The following FRMD4A variants were observed in gnomAD, a reference collection of about 807,000 sequenced individuals.
FRMD4A encodes the protein FERM domain containing 4A.
In FRMD4A, 29 loss-of-function variants were observed where a neutral mutation model predicts 129.1. That is an observed-to-expected ratio of 0.22 (90% confidence interval 0.17 to 0.31). FRMD4A has a LOEUF of 0.31. Among genes scored for constraint, FRMD4A ranks in the 10% least tolerant of loss-of-function variants. FRMD4A has a pLI of 1.00. For missense variants in FRMD4A, 1,272 were observed against 1,375.8 expected (o/e 0.92, Z 1.19); for synonymous variants, 634 against 571.6 (o/e 1.11, Z -1.56).
chr10:14,141,989 G>C (rs564453741), intron 2 of FRMD4A, among the ~76,000 whole-genome samples: 1 of 152,282 alleles, frequency 6.6e-6, no homozygotes, highest in African/African-American at 2.4e-5. Flanking sequence ...TGCTCTAACA[G>C]GCTATGTTGC....
At chr10:14,164,110 AG>A (rs774279028) in intron 2 of FRMD4A, among the ~76,000 whole-genome samples, 25 of 152,348 alleles carry the variant, frequency 1.6e-4, no homozygotes, top group South Asian at 1.0e-3. Context: ...GTGATGGAAA[AG>A]GCTGCAAACC....
intron 12 of FRMD4A, among the ~76,000 whole-genome samples, chr10:13,726,330 G>A (rs1310933716): frequency 6.6e-6 from 1 of 152,182 alleles, no homozygotes; most frequent in Non-Finnish European, 1.5e-5. Context: ...TTTGGGTCTT[G>A]GAGTGGATAT....
intron 7 of FRMD4A, 24 bp downstream of exon 7, chr10:13,762,600 A>C (rs2092119935): frequency 7.1e-7 from 1 of 1,406,896 alleles, no homozygotes; most frequent in Non-Finnish European, 1.0e-6. Flanking sequence ...GTGGGACATA[A>C]AGAGGAGGAG....
chr10:14,298,272 C>T (rs997423308), intron 2 of FRMD4A, among the ~76,000 whole-genome samples: 15 of 152,176 alleles, frequency 9.9e-5, no homozygotes, highest in East Asian at 1.9e-4. Context: ...TACACCAGTA[C>T]ACCAGTAAAG....
intron 2 of FRMD4A, among the ~76,000 whole-genome samples, chr10:13,964,105 T>G (rs1198028122): frequency 1.3e-5 from 2 of 150,992 alleles, no homozygotes; most frequent in African/African-American, 2.5e-5. Flanking sequence ...GTGTGTTATC[T>G]TGTTGGTGCT....
At chr10:14,147,459 T>C (rs1840129478) in intron 2 of FRMD4A, among the ~76,000 whole-genome samples, 1 of 152,154 alleles carries the variant, frequency 6.6e-6, no homozygotes, top group Non-Finnish European at 1.5e-5. Flanking sequence ...CTTGTGGGCT[T>C]TATTTGTATT....
chr10:14,254,668 A>G (rs1844549921), intron 2 of FRMD4A, among the ~76,000 whole-genome samples: 1 of 152,042 alleles, frequency 6.6e-6, no homozygotes, highest in Non-Finnish European at 1.5e-5. Context: ...TGCAAGTTGT[A>G]TTACTTCTCA....
At chr10:13,912,789 T>C (rs970064125) in intron 2 of FRMD4A, among the ~76,000 whole-genome samples, 2 of 152,024 alleles carry the variant, frequency 1.3e-5, no homozygotes, top group African/African-American at 4.8e-5. Context: ...TAGAATATTA[T>C]TTGGCTGGGC....
chr10:13,835,441 C>A lies in FRMD4A; in HGVS notation c.111+23406G>T, dbSNP rs1164823702. Among the ~76,000 whole-genome samples the A allele has an allele frequency of 2.0e-5, 3 of 152,286 alleles. 1 individual carries two copies. In the East Asian group the frequency reaches 5.8e-4, roughly 29 times the overall value. ...CAACCCCCAGGGCCACGGACCAGTACAGGAACCGGGCTCCACAGCAGGCGG... is the reference window on the plus strand; with the variant it reads ...CAACCCCCAGGGCCACGGACCAGTAAAGGAACCGGGCTCCACAGCAGGCGG... On this transcript the variant is annotated intron_variant, in intron 3 of 24. Coordinates refer to ENST00000357447, the MANE Select transcript of FRMD4A (RefSeq NM_018027.5).
At chr10:13,744,225 G>A (rs989721905) in intron 9 of FRMD4A, among the ~76,000 whole-genome samples, 1 of 152,126 alleles carries the variant, frequency 6.6e-6, no homozygotes, top group Non-Finnish European at 1.5e-5. Context: ...GGCGATAGGG[G>A]TGGTCAGGTG....
intron 2 of FRMD4A, among the ~76,000 whole-genome samples, chr10:13,964,548 GGGTTCCTCACTTCAT>G (rs2131368343): frequency 6.6e-6 from 1 of 152,278 alleles, no homozygotes; most frequent in Non-Finnish European, 1.5e-5. Context: ...TTAAACTTCA[GGGTTCCTCACTTCAT>G]GGGATCTTCC....
At chr10:13,772,757 C>T (rs938710787) in intron 6 of FRMD4A, among the ~76,000 whole-genome samples, 1 of 151,990 alleles carries the variant, frequency 6.6e-6, no homozygotes, top group African/African-American at 2.4e-5. Flanking sequence ...AAAATGAAAA[C>T]CATTGAACTC....
At chr10:14,116,452 G>T (rs1421884327) in intron 2 of FRMD4A, among the ~76,000 whole-genome samples, 1 of 152,132 alleles carries the variant, frequency 6.6e-6, no homozygotes, top group Non-Finnish European at 1.5e-5. Flanking sequence ...ATTCTACCTT[G>T]GCTGAAAGCA....
chr10:13,931,860 A>G (rs2095199519), intron 2 of FRMD4A, among the ~76,000 whole-genome samples: 3 of 151,734 alleles, frequency 2.0e-5, no homozygotes, highest in Non-Finnish European at 2.9e-5. Context: ...GAGGCAGGAG[A>G]ATCGCTTGAA....
At chr10:14,086,976 G>A (rs1471747921) in intron 2 of FRMD4A, among the ~76,000 whole-genome samples, 1 of 151,986 alleles carries the variant, frequency 6.6e-6, no homozygotes, top group African/African-American at 2.4e-5. Flanking sequence ...CTAGTGGTAG[G>A]GGGTGTGTAT....
At chr10:13,895,712 A>G (rs371704638) in intron 2 of FRMD4A, among the ~76,000 whole-genome samples, 40 of 152,364 alleles carry the variant, frequency 2.6e-4, no homozygotes, top group African/African-American at 8.2e-4. Flanking sequence ...AAAAGAAACT[A>G]TCATCAGAGT....
In FRMD4A at chr10:14,330,841, C is replaced by T. The variant is rs1843489983; in HGVS notation, c.-326G>A. The T allele has an allele frequency of 7.5e-6, 3 of 398,752 alleles. No individual in the cohort carries two copies. Among genetic ancestry groups the T allele is most frequent in the African/African-American group, 2.1e-5 (1 of 48,728 alleles). 24.7% of individuals were successfully genotyped at this position (398,752 alleles called of 1,614,324 possible). A position where few individuals can be genotyped will look rare whatever the true frequency, so the allele number is the denominator to read the frequency against. Reference sequence around the variant, plus strand: ...CTCAGCTCCCGGTAGGGCTAACATACTTAAGAGGAACATGGAATTGCACTG... The same window carrying T: ...CTCAGCTCCCGGTAGGGCTAACATATTTAAGAGGAACATGGAATTGCACTG... On this transcript the variant is annotated 5_prime_UTR_variant, in exon 1 of 25. Coordinates refer to ENST00000357447, the MANE Select transcript of FRMD4A (RefSeq NM_018027.5).
intron 2 of FRMD4A, among the ~76,000 whole-genome samples, chr10:14,044,281 C>T (rs1022711549): frequency 1.3e-5 from 2 of 152,242 alleles, no homozygotes; most frequent in Non-Finnish European, 2.9e-5. Context: ...CCGTGTGGCT[C>T]TTTGCTGATC....
At chr10:14,221,893 G>A (rs150964312) in intron 2 of FRMD4A, among the ~76,000 whole-genome samples, 1 of 152,232 alleles carries the variant, frequency 6.6e-6, no homozygotes, top group East Asian at 1.9e-4. Context: ...TTATTGGAGG[G>A]TCTGCAGTTG....
Sources: gnomAD v4.1 joint callset for allele counts (sites outside exome capture counted in the v4.1 genomes callset) on GRCh38, gnomAD v4.1.1 for gene constraint, MANE v1.5 for transcripts, NCBI Gene and HGNC (gene_info 2026-07-23, HGNC 2026-07-21) for gene names.